The following HIVEP3 variants were observed in gnomAD, a reference collection of about 807,000 sequenced individuals.
HIVEP3 encodes the protein transcription factor HIVEP3.
In HIVEP3, 49 loss-of-function variants were observed where a neutral mutation model predicts 152.8. The ratio of observed to expected loss-of-function variants is 0.32; its 90% CI spans 0.26 to 0.41. The LOEUF is 0.41. Ranked by LOEUF, HIVEP3 falls within the 10% of genes least tolerant of loss-of-function variation. HIVEP3 has a pLI of 1.00. For missense variants in HIVEP3, 2,790 were observed against 3,103.3 expected (o/e 0.90, Z 2.40); for synonymous variants, 1,269 against 1,289.0 (o/e 0.98, Z 0.33).
chr1:41,518,604 C>T, intron 6 of HIVEP3, 116 bp from the exon 7 acceptor site: 1 of 959,626 alleles, frequency 1.0e-6, no homozygotes, highest in Non-Finnish European at 1.7e-6. Context: ...CCAGTCAAGG[C>T]CCTGCCAGCT....
chr1:41,767,725 G>C (rs1476528562), intron 1 of HIVEP3, among the ~76,000 whole-genome samples: 1 of 152,330 alleles, frequency 6.6e-6, no homozygotes, highest in East Asian at 1.9e-4. Flanking sequence ...TGACTTATCT[G>C]CATATAGTGC....
chr1:41,980,260 G>A (rs1479080794), intron 1 of HIVEP3, among the ~76,000 whole-genome samples: 1 of 152,196 alleles, frequency 6.6e-6, no homozygotes, highest in Non-Finnish European at 1.5e-5. Flanking sequence ...GTAATTGACT[G>A]TTTATGGTAG....
At chr1:41,560,891 T>C (rs1644049834) in intron 5 of HIVEP3, among the ~76,000 whole-genome samples, 1 of 152,216 alleles carries the variant, frequency 6.6e-6, no homozygotes, top group Admixed American at 6.5e-5. Flanking sequence ...TCCCAGCAGA[T>C]GCCTCACCTC....
chr1:41,678,273 G>A (rs555585335), intron 2 of HIVEP3, among the ~76,000 whole-genome samples: 4 of 152,252 alleles, frequency 2.6e-5, no homozygotes, highest in South Asian at 4.1e-4. Flanking sequence ...TGAGTTGGCC[G>A]GCCCCTCCAT....
chr1:41,921,290 C>T (rs1446299025), upstream of HIVEP3, among the ~76,000 whole-genome samples: 1 of 152,214 alleles, frequency 6.6e-6, no homozygotes, highest in Admixed American at 6.5e-5. Flanking sequence ...TGTCCCCACC[C>T]AAATCTCATC....
At chr1:41,680,597 G>T (rs932809396) in intron 2 of HIVEP3, among the ~76,000 whole-genome samples, 2 of 152,186 alleles carry the variant, frequency 1.3e-5, no homozygotes, top group African/African-American at 4.8e-5. Flanking sequence ...CCACACCTCT[G>T]CATGGAAACT....
rs1644459022 is a variant in HIVEP3 at position 41,583,778 on chromosome 1, T to C, written c.1020A>G (p.Pro340=). The change falls in exon 4 of 9, where the codon CCA becomes CCG. Residue 340 remains proline, a synonymous_variant. Coordinates refer to ENST00000372583, the MANE Select transcript of HIVEP3 (RefSeq NM_024503.5). This position sits in a 1 kb window ranked among gnomAD's most constrained non-coding sequence, Gnocchi z 6.9. ...STAQSLEDPP[P]FVEPSSEHPL... ...GGTGCTCAGATGAGGGTTCCACAAA[T>C]GGAGGGGGGTCTTCGAGTGACTGGG... The C allele has an allele frequency of 1.9e-6, 3 of 1,590,138 alleles. No individual in the cohort carries two copies. Among genetic ancestry groups the C allele is most frequent in the Middle Eastern group, 1.7e-4 (1 of 5,956 alleles).
intron 1 of HIVEP3, among the ~76,000 whole-genome samples, chr1:41,961,719 A>G (rs1337223344): frequency 8.5e-5 from 13 of 152,256 alleles, no homozygotes; most frequent in Admixed American, 8.5e-4. Context: ...TGATACAAGG[A>G]GAAATATGAA....
chr1:41,732,223 C>T (rs752653742), intron 1 of HIVEP3, among the ~76,000 whole-genome samples: 28 of 152,252 alleles, frequency 1.8e-4, no homozygotes, highest in African/African-American at 6.0e-4. Context: ...TCAGCAGAGG[C>T]GGGTTCTCCA....
intron 4 of HIVEP3, among the ~76,000 whole-genome samples, chr1:41,576,175 G>C (rs1644324763): frequency 6.6e-6 from 1 of 152,204 alleles, no homozygotes; most frequent in African/African-American, 2.4e-5. Context: ...GCGAGTTAAG[G>C]GCAGAGCTGG....
At chr1:41,705,688 TAGAC>T (rs922878028) in intron 1 of HIVEP3, among the ~76,000 whole-genome samples, 5 of 152,132 alleles carry the variant, frequency 3.3e-5, no homozygotes, top group African/African-American at 9.7e-5. Context: ...GTAGTGAAAA[TAGAC>T]AGAATGCTTT....
At position 41,628,943 on chromosome 1, in the gene HIVEP3, G is replaced by A. The variant is rs899228630; in HGVS notation, c.-716C>T. On this transcript the variant is annotated 5_prime_UTR_variant, in exon 3 of 9. The change creates a premature stop within an existing upstream ORF in the 5' untranslated region. Coordinates refer to ENST00000372583, the MANE Select transcript of HIVEP3 (RefSeq NM_024503.5). ...GTTGAGGCTGCTGGGTTTGTGCCTC[G>A]AATCCTGCAGGAGATGATTGAGAAA... is the stretch of plus-strand genomic sequence containing the variant. 29 of 1,230,240 alleles carry A rather than the reference G, an allele frequency of 2.4e-5. No homozygotes were observed. In the African/African-American group the frequency reaches 3.4e-4, roughly 15 times the overall value. 76.2% of individuals were successfully genotyped at this position (1,230,240 alleles called of 1,614,324 possible).
At chr1:41,765,897 C>A (rs732552) in intron 1 of HIVEP3, among the ~76,000 whole-genome samples, 52,629 of 152,086 alleles carry the variant, frequency 0.35, 9,329 homozygotes, top group East Asian at 0.47. Context: ...CGGGGAGCAC[C>A]CCTGTCTGGG....
chr1:41,524,625 G>A, intron 6 of HIVEP3, 110 bp downstream of exon 6: 2 of 1,021,404 alleles, frequency 2.0e-6, no homozygotes, highest in South Asian at 1.4e-5. Context: ...AAATGGGGCT[G>A]CTCCAGGCCC....
intron 3 of HIVEP3, among the ~76,000 whole-genome samples, chr1:41,589,811 C>T (rs1291533662): frequency 3.3e-5 from 5 of 152,210 alleles, no homozygotes; most frequent in African/African-American, 1.2e-4. Flanking sequence ...TTGTAATTTA[C>T]TTACACACAC....
At chr1:41,741,068 T>C (rs1646990274) in intron 1 of HIVEP3, among the ~76,000 whole-genome samples, 1 of 152,346 alleles carries the variant, frequency 6.6e-6, no homozygotes, top group African/African-American at 2.4e-5. Context: ...ACATGTGGTA[T>C]CTTGTCTAAT....
intron 5 of HIVEP3, among the ~76,000 whole-genome samples, chr1:41,551,625 G>T (rs1569873875): frequency 6.6e-6 from 1 of 152,140 alleles, no homozygotes; most frequent in South Asian, 2.1e-4. Context: ...ATGTGTCCAG[G>T]AATTTATCCA....
chr1:41,693,454 G>A (rs1646226898), intron 2 of HIVEP3, among the ~76,000 whole-genome samples: 3 of 152,090 alleles, frequency 2.0e-5, no homozygotes, highest in Admixed American at 2.0e-4. Flanking sequence ...TCTGTATTTT[G>A]TCATTTATGA....
intron 1 of HIVEP3, among the ~76,000 whole-genome samples, chr1:41,719,969 A>G (rs565447779): frequency 6.6e-6 from 1 of 152,356 alleles, no homozygotes; most frequent in African/African-American, 2.4e-5. Context: ...CAGGCCAAGA[A>G]CAGAAGCTAA....
Sources: gnomAD v4.1 joint callset for allele counts (sites outside exome capture counted in the v4.1 genomes callset) on GRCh38, gnomAD v4.1.1 for gene constraint, Gnocchi (gnomAD v3.1) non-coding constraint, MANE v1.5 for transcripts, NCBI Gene and HGNC (gene_info 2026-07-23, HGNC 2026-07-21) for gene names.